Variants in NAGA observed in about 807,000 individuals in gnomAD.
NAGA encodes the protein alpha-N-acetylgalactosaminidase.
NAGA carries 42 observed loss-of-function variants against 45.6 expected under a neutral mutation model. That is an observed-to-expected ratio of 0.92 (90% CI 0.72 to 1.19). NAGA has a LOEUF of 1.19. Among genes scored for constraint, NAGA ranks in the 50% most tolerant of loss-of-function variants. The probability of loss-of-function intolerance (pLI) is 0.00; values close to 1 mark genes in which losing one functional copy is unlikely to be tolerated. For missense variants in NAGA, 493 were observed against 544.8 expected, an observed-to-expected ratio of 0.90 and a Z score of 0.95; for synonymous variants, 176 against 203.1, an observed-to-expected ratio of 0.87 and a Z score of 1.13.
At chr22:42,062,199 T>C (rs1926444924) in intron 7 of NAGA, among the ~76,000 whole-genome samples, 1 of 151,866 alleles carries the variant, frequency 6.6e-6, no homozygotes, top group South Asian at 2.1e-4. Context: ...CCTGGCCGAG[T>C]GCGGTGGCTC....
At chr22:42,066,421 C>T (rs1926732644) in intron 5 of NAGA, among the ~76,000 whole-genome samples, 1 of 152,256 alleles carries the variant, frequency 6.6e-6, no homozygotes. Flanking sequence ...TGTGCCAGCA[C>T]AGATGGCTCT....
At chr22:42,064,560 G>A (rs1345567957) in intron 6 of NAGA, among the ~76,000 whole-genome samples, 15 of 151,246 alleles carry the variant, frequency 9.9e-5, no homozygotes, top group African/African-American at 3.2e-4. Flanking sequence ...CAGGAGAATC[G>A]CTTGAACCTG....
At chr22:42,064,167 C>G (rs1341711245) in intron 6 of NAGA, among the ~76,000 whole-genome samples, 3 of 151,230 alleles carry the variant, frequency 2.0e-5, no homozygotes, top group Non-Finnish European at 2.9e-5. Flanking sequence ...ACGGAGAAAC[C>G]CCATCTCTAC....
intron 7 of NAGA, among the ~76,000 whole-genome samples, chr22:42,062,396 G>A (rs1210910568): frequency 2.0e-5 from 3 of 152,000 alleles, no homozygotes; most frequent in Non-Finnish European, 4.4e-5. Flanking sequence ...AACCTGGCAG[G>A]TAGAGATTGC....
At chr22:42,064,412 G>T (rs573120726) in intron 6 of NAGA, among the ~76,000 whole-genome samples, 1 of 151,144 alleles carries the variant, frequency 6.6e-6, no homozygotes, top group Non-Finnish European at 1.5e-5. Flanking sequence ...AGGCTGAGGC[G>T]GGCAGATCAT....
rs1894267 is a variant in NAGA at position 42,061,936 on chromosome 22, A to C, written c.958-869T>G. Among the ~76,000 whole-genome samples the C allele has an allele frequency of 1.5e-4, 17 of 116,046 alleles. No individual in the cohort carries two copies. In the Admixed American group the frequency reaches 1.9e-3, roughly 13 times the overall value. 76.1% of individuals were successfully genotyped at this position (116,046 alleles called of 152,430 possible). ...CACTGCACTCCAGCCTGGGCTACAG[A>C]GTGAGACTCCATCTCAAAAAAAAAA... On this transcript the variant is annotated intron_variant, in intron 7 of 8. Coordinates refer to ENST00000396398, the MANE Select transcript of NAGA (RefSeq NM_000262.3).
intron 1 of NAGA, among the ~76,000 whole-genome samples, chr22:42,069,840 A>G (rs1926949794): frequency 6.6e-6 from 1 of 152,084 alleles, no homozygotes; most frequent in African/African-American, 2.4e-5. Flanking sequence ...CATTGGCCAG[A>G]CTCCAGGTCT....
chr22:42,064,325 A>G lies in NAGA; in HGVS notation c.760-1301T>C, dbSNP rs1926588503. On this transcript the variant is annotated intron_variant, in intron 6 of 8. Coordinates refer to ENST00000396398, the MANE Select transcript of NAGA (RefSeq NM_000262.3). ...ATTGCACTCCAGCCTGGGCAACAAG[A>G]GCAAAACTCAGTCTCTAAATAAATA... 3.0e-5 allele frequency among the ~76,000 whole-genome samples: 4 copies of G among 133,954 alleles called. No homozygotes were observed. The South Asian group carries it at 7.1e-4, about 24-fold the overall frequency. 87.9% of individuals were successfully genotyped at this position (133,954 alleles called of 152,430 possible). A position where few individuals can be genotyped will look rare whatever the true frequency, so the allele number is the denominator to read the frequency against.
At chr22:42,066,897 C>T (rs1355881805) in intron 4 of NAGA, 93 bp from the exon 5 acceptor site, 3 of 1,447,624 alleles carry the variant, frequency 2.1e-6, no homozygotes, top group Non-Finnish European at 2.9e-6. Flanking sequence ...TGTGAAGAAA[C>T]AAGCTCCAAA....
rs1363099054 is a variant in NAGA at position 42,067,899 on chromosome 22, G to A, written c.190C>T (p.Gln64Ter). Residue 64 changes from glutamine (Q) to a stop codon, truncating the protein, a stop_gained, in exon 3 of 9, where the codon CAG becomes TAG. Transcript: ENST00000396398. LOFTEE classifies it high-confidence loss of function. ...TAGCCCATGTCCCGCCATCCATCCT[G>A]TGCCATCCGGTCAGCCATCTCCATG... ...LFMEMADRMAQDGWRDMGYTY... is the reference protein window; with the variant it reads ...LFMEMADRMA 3.1e-6 allele frequency: 5 copies of A among 1,613,626 alleles called. No individual in the cohort carries two copies. Among genetic ancestry groups the A allele is most frequent in the Non-Finnish European group, 4.2e-6 (5 of 1,180,004 alleles).
At chr22:42,064,254 C>T (rs569566984) in intron 6 of NAGA, among the ~76,000 whole-genome samples, 35 of 151,348 alleles carry the variant, frequency 2.3e-4, no homozygotes, top group African/African-American at 7.3e-4. Flanking sequence ...ACAGGAGAAT[C>T]GCTTGAACCT....
chr22:42,060,843 A>T, intron 8 of NAGA, 81 bp downstream of exon 8: 1 of 1,590,730 alleles, frequency 6.3e-7, no homozygotes, highest in South Asian at 1.1e-5. Context: ...GGGAGGCCAT[A>T]TGTGAACAAC....
Position 42,062,826 on chromosome 22 carries a change from C to G in NAGA, c.957+1G>C. The G allele has an allele frequency of 1.2e-6, 2 of 1,613,750 alleles. No individual in the cohort carries two copies. Among genetic ancestry groups the G allele is most frequent in the Non-Finnish European group, 1.7e-6 (2 of 1,179,642 alleles). ...CCTTCCTTCCCTCCACACCCTAGTA[C>G]CTTGTGAATCCTGCGTCCCTGGATG... On this transcript the variant is annotated splice_donor_variant, in intron 7 of 8. Coordinates refer to ENST00000396398, the MANE Select transcript of NAGA (RefSeq NM_000262.3). LOFTEE classifies it high-confidence loss of function.
At position 42,060,888 on chromosome 22, in the gene NAGA, GC is replaced by G. The variant is rs781686372; in HGVS notation, c.1101+35del. On this transcript the variant is annotated intron_variant, in intron 8 of 8. Transcript: ENST00000396398. ...TAATACCCTCCCACAGAAATCTGAA[GC>G]CCAGGCGGGTGGCTGCAGGCAGCCG... 9.7e-5 allele frequency: 156 copies of G among 1,613,908 alleles called. No individual in the cohort carries two copies. In the Middle Eastern group the frequency reaches 7.6e-3, roughly 79 times the overall value.
chr22:42,070,809 T>C lies in NAGA; in HGVS notation c.-512A>G, dbSNP rs561457307. 8.9e-5 allele frequency: 20 copies of C among 225,404 alleles called. No homozygotes were observed. The East Asian group carries it at 2.2e-3, about 25-fold the overall frequency. The allele number at this position is 225,404 out of a possible 1,614,324, so 14.0% of individuals were successfully genotyped here. A position where few individuals can be genotyped will look rare whatever the true frequency, so the allele number is the denominator to read the frequency against. On this transcript the variant is annotated 5_prime_UTR_variant, in exon 1 of 9. Transcript: ENST00000396398. ...CGCTTCTGACTCGAATCCGGTAACC[T>C]GATAAGTCCGAAGCGTTCCAGTGAG...
At chr22:42,060,474 C>A (rs191976652) in intron 8 of NAGA, 61 bp from the exon 9 acceptor site, 22 of 1,605,728 alleles carry the variant, frequency 1.4e-5, no homozygotes, top group African/African-American at 2.7e-5. Context: ...AGACCCCCCC[C>A]GCTAGAGGAT....
Position 42,066,821 on chromosome 22 carries a change from C to G in NAGA, c.503-17G>C. On this transcript the variant is annotated splice_polypyrimidine_tract_variant and intron_variant, in intron 4 of 8. Coordinates refer to ENST00000396398, the MANE Select transcript of NAGA (RefSeq NM_000262.3). ...TGGGGTACCCTAGAGAAAGCCCAAC[C>G]TGTTTCAGTCCTGAGGAAGTGCAGG... The G allele has an allele frequency of 6.3e-7, 1 of 1,593,818 alleles. No individual in the cohort carries two copies. Among genetic ancestry groups the G allele is most frequent in the South Asian group, 1.1e-5 (1 of 88,416 alleles).
intron 6 of NAGA, among the ~76,000 whole-genome samples, chr22:42,065,354 T>C (rs966099457): frequency 6.6e-6 from 1 of 151,556 alleles, no homozygotes; most frequent in Non-Finnish European, 1.5e-5. Flanking sequence ...AGGCAGGAAA[T>C]TGACAAAAGG....
intron 6 of NAGA, among the ~76,000 whole-genome samples, chr22:42,064,613 C>A (rs960295469): frequency 3.3e-5 from 5 of 152,106 alleles, no homozygotes; most frequent in African/African-American, 1.2e-4. Flanking sequence ...CCATTGCACT[C>A]CAGCCTGGGC....
Sources: allele counts gnomAD v4.1 joint callset (sites outside exome capture counted in the v4.1 genomes callset), GRCh38; gene constraint gnomAD v4.1.1; transcripts MANE v1.5; gene names NCBI Gene and HGNC (gene_info 2026-07-23, HGNC 2026-07-21).